The following ZNF611 variants were observed in gnomAD, a reference collection of about 807,000 sequenced individuals.
The protein encoded by ZNF611 is zinc finger protein 611.
In ZNF611, 6 loss-of-function variants were observed where a neutral mutation model predicts 8.9. The observed-to-expected ratio is 0.68, with a 90% confidence interval of 0.37 to 1.34. The LOEUF is 1.34. Among genes scored for constraint, ZNF611 ranks in the 40% most tolerant of loss-of-function variants. The pLI is 0.02. For missense variants in ZNF611, 874 were observed against 841.3 expected, an observed-to-expected ratio of 1.04 and a Z score of -0.48; for synonymous variants, 262 against 279.7, an observed-to-expected ratio of 0.94 and a Z score of 0.63.
chr19:52,714,781 T>G (rs1480584044), intron 4 of ZNF611, among the ~76,000 whole-genome samples: 1 of 147,144 alleles, frequency 6.8e-6, no homozygotes, highest in African/African-American at 2.6e-5. Context: ...GGGCAGATAA[T>G]GTGGTCAAGA....
At chr19:52,715,598 G>A (rs1323690928) in intron 4 of ZNF611, among the ~76,000 whole-genome samples, 2 of 152,168 alleles carry the variant, frequency 1.3e-5, no homozygotes, top group Non-Finnish European at 2.9e-5. Flanking sequence ...ATCCATGTCA[G>A]GGTGTGAGCC....
At chr19:52,712,764 G>A (rs2062289534) in intron 5 of ZNF611, among the ~76,000 whole-genome samples, 1 of 152,126 alleles carries the variant, frequency 6.6e-6, no homozygotes, top group East Asian at 1.9e-4. Flanking sequence ...GGGATTACTG[G>A]CATGTGCGAC....
chr19:52,723,253 C>CTTTT (rs56217135), intron 3 of ZNF611, among the ~76,000 whole-genome samples: 10 of 103,180 alleles, frequency 9.7e-5, no homozygotes, highest in African/African-American at 1.6e-4. Context: ...CTTATTTAAC[C>CTTTT]TTTTTTTTTT....
intron 3 of ZNF611, among the ~76,000 whole-genome samples, chr19:52,716,785 A>T (rs1034801556): frequency 6.6e-6 from 1 of 152,184 alleles, no homozygotes; most frequent in African/African-American, 2.4e-5. Flanking sequence ...GACCCAGCAC[A>T]GTGGCTCAGG....
intron 3 of ZNF611, among the ~76,000 whole-genome samples, chr19:52,727,984 A>G (rs2062403103): frequency 7.1e-6 from 1 of 141,328 alleles, no homozygotes; most frequent in Non-Finnish European, 1.5e-5. Flanking sequence ...ATCTCAGCTC[A>G]CTGCAACCTC....
rs771817097 is a variant in ZNF611 at position 52,705,302 on chromosome 19, G to A, written c.1753C>T (p.His585Tyr). 1 of 1,613,790 alleles carries A rather than the reference G, an allele frequency of 6.2e-7. No homozygotes were observed. Among genetic ancestry groups the A allele is most frequent in the Non-Finnish European group, 8.5e-7 (1 of 1,179,950 alleles). Residue 585 changes from histidine to tyrosine, a missense_variant, in exon 6 of 6, where the codon CAT becomes TAT. By Grantham distance (83) the His-to-Tyr change is moderately conservative (BLOSUM62 2). Transcript: ENST00000652185. Reference sequence around the variant, plus strand: ...GGTTTCTCACCACTATGAACTCTATGATGGCATACAAGGTATGACCTGTGA... The same window carrying A: ...GGTTTCTCACCACTATGAACTCTATAATGGCATACAAGGTATGACCTGTGA... ...FSHRSYLVCHHRVHSGEKPYK... is the reference protein window; with the variant it reads ...FSHRSYLVCHYRVHSGEKPYK...
At chr19:52,724,916 TTTC>T (rs1220483883) in intron 3 of ZNF611, among the ~76,000 whole-genome samples, 1 of 152,162 alleles carries the variant, frequency 6.6e-6, no homozygotes, top group African/African-American at 2.4e-5. Context: ...CTCCTCCTGC[TTTC>T]TTATTTTTTC....
chr19:52,717,085 T>C (rs1158533845), intron 3 of ZNF611, among the ~76,000 whole-genome samples: 1 of 151,980 alleles, frequency 6.6e-6, no homozygotes, highest in Non-Finnish European at 1.5e-5. Context: ...CTCAGTTCTC[T>C]GTGAACTAAA....
Position 52,714,716 on chromosome 19 carries a change from A to ACC in ZNF611, c.64-576_64-575insGG, listed in dbSNP as rs113487617. On this transcript the variant is annotated intron_variant, in intron 4 of 5. Coordinates refer to ENST00000652185, the MANE Select transcript of ZNF611 (RefSeq NM_001161499.2). Reference sequence around the variant, plus strand: ...AAACAAAACAAAACAAAACAAAAAAACAATGCCGGGCAGTGACTGTCACCT... The same window carrying ACC: ...AAACAAAACAAAACAAAACAAAAAAACCCAATGCCGGGCAGTGACTGTCACCT... Among the ~76,000 whole-genome samples the ACC allele has an allele frequency of 9.9e-5, 4 of 40,352 alleles. 1 individual carries two copies. The highest frequency in any genetic ancestry group is 1.8e-4 in the Non-Finnish European group (4 of 22,414). 26.5% of individuals were successfully genotyped at this position (40,352 alleles called of 152,430 possible).
intron 3 of ZNF611, chr19:52,716,142 C>G: frequency 2.0e-6 from 1 of 508,468 alleles, no homozygotes. Context: ...ACACACGAGG[C>G]AGCAGTGGGG....
intron 5 of ZNF611, among the ~76,000 whole-genome samples, chr19:52,710,711 A>T (rs2062273872): frequency 6.6e-6 from 1 of 152,176 alleles, no homozygotes; most frequent in African/African-American, 2.4e-5. Context: ...GAGACAGGAA[A>T]GGGGGCATCT....
At chr19:52,710,457 T>C (rs1937429844) in intron 5 of ZNF611, among the ~76,000 whole-genome samples, 1 of 152,186 alleles carries the variant, frequency 6.6e-6, no homozygotes, top group African/African-American at 2.4e-5. Flanking sequence ...CTAGAACTTC[T>C]GACCTCAAGT....
intron 3 of ZNF611, among the ~76,000 whole-genome samples, chr19:52,719,253 A>G (rs1050666248): frequency 6.6e-6 from 1 of 152,190 alleles, no homozygotes; most frequent in African/African-American, 2.4e-5. Flanking sequence ...AAGGAAACCA[A>G]TTACAAAAAG....
intron 3 of ZNF611, chr19:52,724,576 TCCC>T (rs2062379898): frequency 6.6e-6 from 1 of 152,186 alleles, no homozygotes; most frequent in South Asian, 2.1e-4. Flanking sequence ...TTGCTCCTTC[TCCC>T]CAATCTTTCA....
At chr19:52,730,300 G>A (rs111388670) in intron 1 of ZNF611, among the ~76,000 whole-genome samples, 2 of 148,194 alleles carry the variant, frequency 1.3e-5, no homozygotes, top group East Asian at 2.1e-4. Context: ...GCTGAGGCAG[G>A]AGAATGGCAT....
chr19:52,711,989 A>G (rs1392115658), intron 5 of ZNF611, among the ~76,000 whole-genome samples: 1 of 152,186 alleles, frequency 6.6e-6, no homozygotes, highest in Non-Finnish European at 1.5e-5. Flanking sequence ...TTGAGCTTAG[A>G]GGAAAGTGGA....
chr19:52,717,399 G>A (rs1393609079), intron 3 of ZNF611, among the ~76,000 whole-genome samples: 1 of 152,196 alleles, frequency 6.6e-6, no homozygotes, highest in African/African-American at 2.4e-5. Flanking sequence ...GAGGGGAAGA[G>A]AGTCCTAGGC....
chr19:52,715,459 A>T (rs1158927395), intron 4 of ZNF611, among the ~76,000 whole-genome samples: 3 of 152,206 alleles, frequency 2.0e-5, no homozygotes, highest in Non-Finnish European at 2.9e-5. Context: ...TCCAGAATTA[A>T]CCACACATCT....
At chr19:52,734,966 A>G (rs917990459) in intron 1 of ZNF611, 35 bp downstream of exon 1, 10 of 152,636 alleles carry the variant, frequency 6.6e-5, no homozygotes, top group African/African-American at 1.9e-4. Context: ...GAACCTAGTT[A>G]GCGCAGACTT....
Sources: allele counts gnomAD v4.1 joint callset (sites outside exome capture counted in the v4.1 genomes callset), GRCh38; gene constraint gnomAD v4.1.1; transcripts MANE v1.5; gene names NCBI Gene and HGNC (gene_info 2026-07-23, HGNC 2026-07-21).